The following TTLL11 variants were observed in gnomAD, a reference collection of about 807,000 sequenced individuals.
TTLL11 encodes the protein tubulin tyrosine ligase like 11.
TTLL11 carries 42 observed loss-of-function variants against 51.7 expected under a neutral mutation model. That is an observed-to-expected ratio of 0.81 (90% CI 0.64 to 1.05). The LOEUF is 1.05. Ranked by LOEUF, TTLL11 falls within the 50% of genes least tolerant of loss-of-function variation. TTLL11 has a pLI of 0.00. For synonymous variants in TTLL11, 381 were observed against 383.5 expected, an observed-to-expected ratio of 0.99 and a Z score of 0.08; for missense variants, 799 against 940.4, an observed-to-expected ratio of 0.85 and a Z score of 1.97.
intron 6 of TTLL11, among the ~76,000 whole-genome samples, chr9:121,904,322 A>G (rs184325594): frequency 4.6e-5 from 7 of 152,204 alleles, no homozygotes; most frequent in Non-Finnish European, 7.4e-5. Flanking sequence ...GACTATAGGC[A>G]CGCACCACCA....
At chr9:121,937,683 A>C in intron 6 of TTLL11, among the ~76,000 whole-genome samples, 1 of 152,020 alleles carries the variant, frequency 6.6e-6, no homozygotes, top group Non-Finnish European at 1.5e-5. Flanking sequence ...GTATTAAGAG[A>C]TGTCCCTCCC....
At chr9:122,068,191 G>A in intron 1 of TTLL11, among the ~76,000 whole-genome samples, 1 of 152,120 alleles carries the variant, frequency 6.6e-6, no homozygotes, top group Non-Finnish European at 1.5e-5. Context: ...CAATAGCTAA[G>A]TTATATTACT....
chr9:121,948,726 C>G (rs981530271), intron 6 of TTLL11, among the ~76,000 whole-genome samples: 1 of 152,176 alleles, frequency 6.6e-6, no homozygotes, highest in East Asian at 1.9e-4. Flanking sequence ...AAGCTGTGGT[C>G]CTAACTCTAG....
chr9:121,992,319 T>C (rs1464323756), intron 3 of TTLL11, among the ~76,000 whole-genome samples: 2 of 152,242 alleles, frequency 1.3e-5, no homozygotes, highest in Non-Finnish European at 2.9e-5. Flanking sequence ...CTCTGAGGTT[T>C]ATTCAAGAAT....
intron 2 of TTLL11, among the ~76,000 whole-genome samples, chr9:122,036,745 A>G (rs773192617): frequency 6.6e-5 from 10 of 152,180 alleles, no homozygotes; most frequent in Non-Finnish European, 1.5e-4. Flanking sequence ...TGCATTTTAG[A>G]ATAATGAGAT....
At chr9:122,059,582 A>G (rs981387409) in intron 1 of TTLL11, among the ~76,000 whole-genome samples, 2 of 152,176 alleles carry the variant, frequency 1.3e-5, no homozygotes, top group African/African-American at 4.8e-5. Flanking sequence ...AGACATGTAC[A>G]CATGTGCACT....
chr9:122,078,224 A>G (rs1248633950), intron 1 of TTLL11, among the ~76,000 whole-genome samples: 1 of 152,202 alleles, frequency 6.6e-6, no homozygotes, highest in Non-Finnish European at 1.5e-5. Context: ...CATGAAATAG[A>G]AAAAAAGATA....
intron 8 of TTLL11, among the ~76,000 whole-genome samples, chr9:121,825,819 A>G (rs1676942344): frequency 6.6e-6 from 1 of 151,956 alleles, no homozygotes; most frequent in Non-Finnish European, 1.5e-5. Context: ...CTATATGCAT[A>G]GAAAACATAC....
intron 6 of TTLL11, among the ~76,000 whole-genome samples, chr9:121,965,566 C>A (rs1842375568): frequency 6.6e-6 from 1 of 152,140 alleles, no homozygotes; most frequent in African/African-American, 2.4e-5. Context: ...GACACAGAGC[C>A]AAACCATATC....
At chr9:121,941,514 G>T (rs1195134584) in intron 6 of TTLL11, among the ~76,000 whole-genome samples, 1 of 152,168 alleles carries the variant, frequency 6.6e-6, no homozygotes, top group African/African-American at 2.4e-5. Context: ...TCTTCCTGTT[G>T]CATTTCTCAT....
intron 1 of TTLL11, among the ~76,000 whole-genome samples, chr9:122,065,550 G>A (rs1588251907): frequency 6.6e-6 from 1 of 152,192 alleles, no homozygotes; most frequent in African/African-American, 2.4e-5. Context: ...GTAGACTCAC[G>A]GAAGCAGCAA....
Position 121,974,075 on chromosome 9 carries a change from A to G in TTLL11, c.1415T>C (p.Val472Ala). ...AGTGTCTCTGATCACAGCCACTTTC[A>G]CTTCTTCATCAACGAGGCTGGGGAC... ...ENVPSLVDEE[V>A]KVAVIRDTLR... The change falls in exon 6 of 9, where the codon GTG (valine) becomes GCG (alanine). Residue 472 changes from valine to alanine, a missense_variant. Physicochemically the swap from Val to Ala is moderately conservative, Grantham distance 64. Coordinates refer to ENST00000321582, the MANE Select transcript of TTLL11 (RefSeq NM_001139442.2). 6.4e-7 allele frequency: 1 copy of G among 1,551,710 alleles called. No individual in the cohort carries two copies. The highest frequency in any genetic ancestry group is 8.7e-7 in the Non-Finnish European group (1 of 1,146,992).
In TTLL11 at chr9:122,037,209, T is replaced by C. The variant is rs536089038; in HGVS notation, c.559+2063A>G. 2.6e-5 allele frequency among the ~76,000 whole-genome samples: 4 copies of C among 152,292 alleles called. No homozygotes were observed. In the South Asian group the frequency reaches 8.3e-4, roughly 32 times the overall value. The stretch of plus-strand genomic sequence containing the variant: ...GGAACTCTGTCCTCATTCAAAGCGT[T>C]TTCTCTTCCAAACTGTATTCTCCCA... On this transcript the variant is annotated intron_variant, in intron 2 of 8. Coordinates refer to ENST00000321582, the MANE Select transcript of TTLL11 (RefSeq NM_001139442.2).
At chr9:121,922,106 A>G (rs1033189533) in intron 6 of TTLL11, among the ~76,000 whole-genome samples, 2 of 152,168 alleles carry the variant, frequency 1.3e-5, no homozygotes, top group African/African-American at 4.8e-5. Flanking sequence ...TCCTCAGTCC[A>G]GGGGAAATTT....
intron 6 of TTLL11, among the ~76,000 whole-genome samples, chr9:121,946,975 CA>C (rs1841692880): frequency 6.6e-6 from 1 of 152,140 alleles, no homozygotes. Flanking sequence ...CTCTGGTCCT[CA>C]CTATCCCTCA....
chr9:121,948,465 G>A (rs371418959), intron 6 of TTLL11, among the ~76,000 whole-genome samples: 22 of 152,328 alleles, frequency 1.4e-4, no homozygotes, highest in African/African-American at 5.3e-4. Flanking sequence ...TGTTCATCAA[G>A]TAATATCTAC....
At chr9:121,826,307 T>C (rs1478682125) in intron 8 of TTLL11, among the ~76,000 whole-genome samples, 2 of 79,494 alleles carry the variant, frequency 2.5e-5, no homozygotes, top group Non-Finnish European at 4.7e-5. Context: ...TATATATATA[T>C]ATGGGTTTAT....
intron 6 of TTLL11, among the ~76,000 whole-genome samples, chr9:121,899,365 G>GTGTATATATATACATACA (rs1226221957): frequency 1.8e-5 from 2 of 113,248 alleles, no homozygotes; most frequent in Non-Finnish European, 3.6e-5. Context: ...ATGTGTGTGT[G>GTGTATATATATACATACA]TATATATATA....
chr9:121,902,592 GT>G (rs374244175), intron 6 of TTLL11, among the ~76,000 whole-genome samples: 51 of 145,946 alleles, frequency 3.5e-4, no homozygotes, highest in Middle Eastern at 3.6e-3. Context: ...CTACCGAGTT[GT>G]TTTTTTTTTT....
Sources: gnomAD v4.1 joint callset for allele counts (sites outside exome capture counted in the v4.1 genomes callset) on GRCh38, gnomAD v4.1.1 for gene constraint, MANE v1.5 for transcripts, NCBI Gene and HGNC (gene_info 2026-07-23, HGNC 2026-07-21) for gene names.